Variants in SH2D4A observed in about 807,000 individuals in gnomAD.
SH2D4A encodes SH2 domain containing 4A.
Under a neutral mutation model 64.7 loss-of-function variants are expected in SH2D4A, and 70 were observed. That is an observed-to-expected ratio of 1.08 (90% confidence interval 0.89 to 1.32). The LOEUF (loss-of-function observed/expected upper bound fraction) is 1.32, where lower values mean the gene tolerates loss of function less well. Ranked by LOEUF, SH2D4A falls within the 40% of genes most tolerant of loss-of-function variation. The probability of loss-of-function intolerance (pLI) is 0.00; values close to 1 mark genes in which losing one functional copy is unlikely to be tolerated. For missense variants in SH2D4A, 706 were observed against 540.1 expected (o/e 1.31, Z -3.04); for synonymous variants, 268 against 200.7 (o/e 1.34, Z -2.83).
chr8:19,364,059 G>T lies in SH2D4A; in HGVS notation c.707-13G>T, dbSNP rs201619900. The T allele has an allele frequency of 3.8e-5, 61 of 1,613,556 alleles. No individual in the cohort carries two copies. The African/African-American group carries it at 7.7e-4, about 20-fold the overall frequency. On this transcript the variant is annotated splice_polypyrimidine_tract_variant and intron_variant, in intron 6 of 9. Transcript: ENST00000265807. ...GCTGATGAGGGTTTTCTCCGACCCC[G>T]TTGTTTTTCCAGTGCGAAAATCCAA...
intron 2 of SH2D4A, among the ~76,000 whole-genome samples, chr8:19,331,990 C>T (rs917426948): frequency 7.2e-5 from 11 of 151,980 alleles, no homozygotes; most frequent in African/African-American, 2.4e-4. Context: ...CCTGTCTCTA[C>T]AAAAAATTTT....
At chr8:19,369,293 A>G (rs530450240) in intron 7 of SH2D4A, among the ~76,000 whole-genome samples, 1 of 151,754 alleles carries the variant, frequency 6.6e-6, no homozygotes, top group East Asian at 1.9e-4. Flanking sequence ...TGGCCTCTAG[A>G]TTTCTTTTTT....
chr8:19,370,568 G>A (rs2053078027), intron 7 of SH2D4A, among the ~76,000 whole-genome samples: 1 of 151,876 alleles, frequency 6.6e-6, no homozygotes. Context: ...TTGTCTTTTG[G>A]TTTCCATTTG....
At chr8:19,373,432 G>GTA in intron 7 of SH2D4A, 98 bp from the exon 8 acceptor site, 1 of 770,792 alleles carries the variant, frequency 1.3e-6, no homozygotes, top group South Asian at 3.7e-5. Context: ...GCATGTATAT[G>GTA]TATGTGTGTG....
At chr8:19,315,160 G>C (rs765422480) in intron 1 of SH2D4A, among the ~76,000 whole-genome samples, 1 of 152,008 alleles carries the variant, frequency 6.6e-6, no homozygotes, top group Admixed American at 6.6e-5. Context: ...TTTTGAGACA[G>C]GGTCTCCTTC....
Position 19,394,684 on chromosome 8 carries a change from TC to T in SH2D4A, c.*46del. ...CATCCTACAGCCTCCAAGCGGGCTT[TC>T]CCCTGGACAAATGCCACTGCAACAT... is the stretch of plus-strand genomic sequence containing the variant. On this transcript the variant is annotated 3_prime_UTR_variant, in exon 10 of 10. Coordinates refer to ENST00000265807, the MANE Select transcript of SH2D4A (RefSeq NM_022071.4). 6.7e-7 allele frequency: 1 copy of T among 1,498,314 alleles called. No homozygotes were observed. The highest frequency in any genetic ancestry group is 9.1e-7 in the Non-Finnish European group (1 of 1,098,816). 92.8% of individuals were successfully genotyped at this position (1,498,314 alleles called of 1,614,324 possible).
In SH2D4A at chr8:19,332,972, C is replaced by A. The variant is rs751768760; in HGVS notation, c.199C>A (p.His67Asn). ...GTTTGCAGAGAATGGCAAATCGGTT[C>A]ATTGGAAACTTGGAGCTGATAAGGA... ...RPKKENGKSV[H>N]WKLGADKEVW... Residue 67 changes from histidine (H) to asparagine (N), a missense_variant, in exon 3 of 10, where the codon CAT (histidine) becomes AAT (asparagine). By Grantham distance (68) the His-to-Asn change is moderately conservative. Transcript: ENST00000265807. 26 of 1,611,248 alleles carry A rather than the reference C, an allele frequency of 1.6e-5. No homozygotes were observed. The highest frequency in any genetic ancestry group is 2.0e-5 in the Non-Finnish European group (23 of 1,179,470).
At position 19,369,141 on chromosome 8, in the gene SH2D4A, C is replaced by T. The variant is rs150040912; in HGVS notation, c.918-4389C>T. Among the ~76,000 whole-genome samples the T allele has an allele frequency of 4.1e-3, 625 of 152,090 alleles. 6 individuals are homozygous for T. The highest frequency in any genetic ancestry group is 0.013 in the African/African-American group (550 of 41,526). ...ATGTGATGTGTCATGTTCATTGATT[C>T]GTTTATGTTGAACCATCCTTGCGTC... On this transcript the variant is annotated intron_variant, in intron 7 of 9. Transcript: ENST00000265807.
At chr8:19,372,927 G>A (rs925228834) in intron 7 of SH2D4A, among the ~76,000 whole-genome samples, 2 of 151,740 alleles carry the variant, frequency 1.3e-5, no homozygotes, top group African/African-American at 4.8e-5. Flanking sequence ...GGAAAGAGAA[G>A]AGAAAATCAA....
At chr8:19,379,930 C>G (rs896249777) in intron 8 of SH2D4A, among the ~76,000 whole-genome samples, 3 of 151,964 alleles carry the variant, frequency 2.0e-5, no homozygotes, top group African/African-American at 7.2e-5. Context: ...GAGACAGGAT[C>G]TCACTGTGTT....
At chr8:19,335,999 A>T (rs142832770) in intron 4 of SH2D4A, among the ~76,000 whole-genome samples, 1 of 152,160 alleles carries the variant, frequency 6.6e-6, no homozygotes, top group Non-Finnish European at 1.5e-5. Flanking sequence ...TGAGGCTATC[A>T]TATGGGAATA....
intron 8 of SH2D4A, 136 bp from the exon 9 acceptor site, chr8:19,393,182 C>A: frequency 1.3e-6 from 1 of 756,114 alleles, no homozygotes. Flanking sequence ...CTAAGAAGCC[C>A]AAAACAGACT....
chr8:19,382,354 T>TA (rs2053308711), intron 8 of SH2D4A, among the ~76,000 whole-genome samples: 1 of 152,190 alleles, frequency 6.6e-6, no homozygotes, highest in African/African-American at 2.4e-5. Flanking sequence ...GTCCTCCACT[T>TA]ACAATGGTTT....
At chr8:19,319,251 G>T in intron 1 of SH2D4A, 93 bp from the exon 2 acceptor site, 2 of 958,570 alleles carry the variant, frequency 2.1e-6, no homozygotes, top group Non-Finnish European at 2.6e-6. Context: ...AAGTGATACT[G>T]TGTTTCCTCC....
intron 6 of SH2D4A, among the ~76,000 whole-genome samples, chr8:19,361,667 G>A (rs1161122422): frequency 6.6e-6 from 1 of 152,084 alleles, no homozygotes; most frequent in African/African-American, 2.4e-5. Context: ...GAAAAGCTTC[G>A]CTATTTAGAA....
chr8:19,355,606 A>C (rs890306100), intron 4 of SH2D4A, among the ~76,000 whole-genome samples: 7 of 152,238 alleles, frequency 4.6e-5, no homozygotes, highest in Admixed American at 4.6e-4. Flanking sequence ...AAACTCTGGC[A>C]CAAACCAGCT....
chr8:19,372,945 A>G (rs1038814379), intron 7 of SH2D4A, among the ~76,000 whole-genome samples: 5 of 152,118 alleles, frequency 3.3e-5, no homozygotes, highest in South Asian at 2.1e-4. Flanking sequence ...CAAATAATGC[A>G]AACATTAGGA....
intron 8 of SH2D4A, among the ~76,000 whole-genome samples, chr8:19,382,847 T>G (rs2053320340): frequency 7.0e-6 from 1 of 142,422 alleles, no homozygotes; most frequent in African/African-American, 2.8e-5. Context: ...TTTTTTTTTT[T>G]TGAGACAGGG....
chr8:19,379,265 C>T (rs527744604), intron 8 of SH2D4A, among the ~76,000 whole-genome samples: 1 of 152,238 alleles, frequency 6.6e-6, no homozygotes, highest in Admixed American at 6.5e-5. Flanking sequence ...TAGAACTGTA[C>T]AGTATTTGTC....
Sources: gnomAD v4.1 joint callset for allele counts (sites outside exome capture counted in the v4.1 genomes callset) on GRCh38, gnomAD v4.1.1 for gene constraint, MANE v1.5 for transcripts, NCBI Gene and HGNC (gene_info 2026-07-23, HGNC 2026-07-21) for gene names.